TSPAN5: variants seen among roughly 807,000 people sequenced by gnomAD.
The protein encoded by TSPAN5 is tetraspanin 5.
Under a neutral mutation model 37.1 loss-of-function variants are expected in TSPAN5, and 10 were observed. The observed-to-expected ratio is 0.27, with a 90% CI of 0.17 to 0.46. TSPAN5 has a LOEUF of 0.46. Among genes scored for constraint, TSPAN5 ranks in the 20% least tolerant of loss-of-function variants. TSPAN5 has a pLI of 1.00. For synonymous variants in TSPAN5, 110 were observed against 118.9 expected (o/e 0.93, Z 0.48); for missense variants, 195 against 326.6 (o/e 0.60, Z 3.11).
chr4:98,491,962 C>T (rs1437777669), intron 2 of TSPAN5, among the ~76,000 whole-genome samples: 2 of 152,024 alleles, frequency 1.3e-5, no homozygotes, highest in African/African-American at 4.8e-5. Context: ...TTAAAACAGG[C>T]ACCAGATTCA....
At chr4:98,601,676 G>GT (rs1487348427) in intron 1 of TSPAN5, among the ~76,000 whole-genome samples, 6 of 152,140 alleles carry the variant, frequency 3.9e-5, no homozygotes, top group Admixed American at 1.3e-4. Context: ...CAATAAGACT[G>GT]TTTTGCTTTC....
chr4:98,533,456 T>G (rs1244135186), intron 1 of TSPAN5, among the ~76,000 whole-genome samples: 1 of 151,756 alleles, frequency 6.6e-6, no homozygotes, highest in Non-Finnish European at 1.5e-5. Flanking sequence ...TATTACAGGT[T>G]TTCTCATTTA....
chr4:98,632,440 GATC>G (rs1272554854), intron 1 of TSPAN5, among the ~76,000 whole-genome samples: 1 of 152,062 alleles, frequency 6.6e-6, no homozygotes, highest in Non-Finnish European at 1.5e-5. Flanking sequence ...CTTTAGAAGG[GATC>G]ATCATATATG....
At chr4:98,554,088 A>AAT (rs1754685541) in intron 1 of TSPAN5, among the ~76,000 whole-genome samples, 1 of 151,152 alleles carries the variant, frequency 6.6e-6, no homozygotes, top group Admixed American at 6.6e-5. Flanking sequence ...AATTAAAAAA[A>AAT]AAATGTAAAA....
intron 1 of TSPAN5, among the ~76,000 whole-genome samples, chr4:98,520,583 G>A (rs1753831801): frequency 6.6e-6 from 1 of 152,192 alleles, no homozygotes; most frequent in African/African-American, 2.4e-5. Context: ...GTGTAGTGGC[G>A]AGCTGCAGAG....
chr4:98,534,421 GT>G (rs1310134501), intron 1 of TSPAN5, among the ~76,000 whole-genome samples: 12 of 152,164 alleles, frequency 7.9e-5, no homozygotes, highest in Admixed American at 7.9e-4. Flanking sequence ...TTGCTGAGGA[GT>G]GTTTTACTTC....
chr4:98,608,307 C>T (rs574503134), intron 1 of TSPAN5, among the ~76,000 whole-genome samples: 1 of 152,274 alleles, frequency 6.6e-6, no homozygotes, highest in South Asian at 2.1e-4. Flanking sequence ...GGAACTTCTT[C>T]CCCAGAAAAG....
intron 1 of TSPAN5, among the ~76,000 whole-genome samples, chr4:98,599,345 C>T (rs1755829761): frequency 6.6e-6 from 1 of 151,844 alleles, no homozygotes; most frequent in African/African-American, 2.4e-5. Flanking sequence ...CTTGGAAAGT[C>T]AAATCTAAAG....
At chr4:98,551,492 C>CTTTTTTT (rs35415457) in intron 1 of TSPAN5, among the ~76,000 whole-genome samples, 1 of 92,240 alleles carries the variant, frequency 1.1e-5, no homozygotes, top group African/African-American at 4.2e-5. Flanking sequence ...TTTTTCTTTT[C>CTTTTTTT]TTTTTTTTTT....
chr4:98,611,617 A>G (rs1351929436), intron 1 of TSPAN5, among the ~76,000 whole-genome samples: 1 of 152,222 alleles, frequency 6.6e-6, no homozygotes, highest in Non-Finnish European at 1.5e-5. Flanking sequence ...AACTAATAAC[A>G]CACCAGGGGA....
intron 5 of TSPAN5, among the ~76,000 whole-genome samples, chr4:98,477,799 C>A (rs576055390): frequency 6.6e-6 from 1 of 151,682 alleles, no homozygotes; most frequent in African/African-American, 2.4e-5. Flanking sequence ...GATGGGACCA[C>A]GGGTGTGTGC....
At chr4:98,564,433 C>A (rs558161801) in intron 1 of TSPAN5, among the ~76,000 whole-genome samples, 7 of 152,280 alleles carry the variant, frequency 4.6e-5, no homozygotes, top group Admixed American at 2.0e-4. Context: ...AAATGCAATT[C>A]TGGCAGTTAA....
chr4:98,619,723 T>C (rs562800264), intron 1 of TSPAN5, among the ~76,000 whole-genome samples: 4 of 152,304 alleles, frequency 2.6e-5, no homozygotes, highest in Admixed American at 6.5e-5. Flanking sequence ...AAAAACACTA[T>C]AAACTGTGTA....
At chr4:98,631,259 A>G (rs1253572137) in intron 1 of TSPAN5, among the ~76,000 whole-genome samples, 1 of 152,062 alleles carries the variant, frequency 6.6e-6, no homozygotes, top group East Asian at 1.9e-4. Flanking sequence ...AAGCAAGGAG[A>G]GCACCCCCTA....
chr4:98,580,893 CCT>C (rs1242378447), intron 1 of TSPAN5, among the ~76,000 whole-genome samples: 1 of 152,058 alleles, frequency 6.6e-6, no homozygotes, highest in Non-Finnish European at 1.5e-5. Context: ...TAGTCTTTTC[CCT>C]CTCTAATTTC....
At chr4:98,613,460 A>ATATAAT (rs1560559811) in intron 1 of TSPAN5, among the ~76,000 whole-genome samples, 2 of 152,190 alleles carry the variant, frequency 1.3e-5, no homozygotes, top group African/African-American at 2.4e-5. Context: ...CAAATGAACA[A>ATATAAT]GAATCCATAT....
At chr4:98,524,828 G>A (rs1373370941) in intron 1 of TSPAN5, among the ~76,000 whole-genome samples, 1 of 152,122 alleles carries the variant, frequency 6.6e-6, no homozygotes, top group East Asian at 1.9e-4. Context: ...CTGTGTACCA[G>A]TCAGTAACTT....
chr4:98,634,705 C>T (rs1321624589), intron 1 of TSPAN5, among the ~76,000 whole-genome samples: 1 of 152,132 alleles, frequency 6.6e-6, no homozygotes. Context: ...ATCCATGAAA[C>T]ACGAAGGAAG....
intron 1 of TSPAN5, among the ~76,000 whole-genome samples, chr4:98,565,161 G>T (rs191139621): frequency 5.2e-4 from 79 of 152,300 alleles, no homozygotes; most frequent in African/African-American, 1.8e-3. Flanking sequence ...TGAACAAGGG[G>T]ACTATTTGCA....
Sources: allele counts gnomAD v4.1 joint callset (sites outside exome capture counted in the v4.1 genomes callset), GRCh38; gene constraint gnomAD v4.1.1; transcripts MANE v1.5; gene names NCBI Gene and HGNC (gene_info 2026-07-23, HGNC 2026-07-21).